The following PLEKHA8 variants were observed in gnomAD, a reference collection of about 807,000 sequenced individuals.
PLEKHA8 encodes the protein pleckstrin homology domain containing A8.
PLEKHA8 carries 36 observed loss-of-function variants against 68.2 expected under a neutral mutation model. The observed-to-expected ratio is 0.53, with a 90% CI of 0.40 to 0.70. The LOEUF (loss-of-function observed/expected upper bound fraction) is 0.70, where lower values mean the gene tolerates loss of function less well. Among genes scored for constraint, PLEKHA8 ranks in the 30% least tolerant of loss-of-function variants. PLEKHA8 has a pLI of 0.00. For missense variants in PLEKHA8, 505 were observed against 615.4 expected (o/e 0.82, Z 1.90); for synonymous variants, 211 against 216.1 (o/e 0.98, Z 0.20).
chr7:30,068,847 G>A (rs1309498271), intron 12 of PLEKHA8, among the ~76,000 whole-genome samples: 2 of 152,032 alleles, frequency 1.3e-5, no homozygotes, highest in Non-Finnish European at 2.9e-5. Flanking sequence ...AAGTTTTGTA[G>A]GTTTGCTTTC....
intron 3 of PLEKHA8, among the ~76,000 whole-genome samples, chr7:30,047,045 G>T (rs1410741051): frequency 6.6e-6 from 1 of 152,182 alleles, no homozygotes; most frequent in Non-Finnish European, 1.5e-5. Flanking sequence ...AGATGAGCTA[G>T]GGTGGGGTGA....
At chr7:30,061,581 A>G (rs1316699045) in intron 10 of PLEKHA8, among the ~76,000 whole-genome samples, 3 of 152,230 alleles carry the variant, frequency 2.0e-5, no homozygotes, top group Admixed American at 6.5e-5. Context: ...AAGTAGTCTC[A>G]TTAGAACAAA....
At position 30,084,480 on chromosome 7, in the gene PLEKHA8, C is replaced by T. The variant is rs1056351609; in HGVS notation, c.*5693C>T. 6 of 985,000 alleles carry T rather than the reference C, an allele frequency of 6.1e-6. No homozygotes were observed. The African/African-American group carries it at 8.7e-5, about 14-fold the overall frequency. 61.0% of individuals were successfully genotyped at this position (985,000 alleles called of 1,614,324 possible). On this transcript the variant is annotated 3_prime_UTR_variant, in exon 14 of 14. Coordinates refer to ENST00000449726, the MANE Select transcript of PLEKHA8 (RefSeq NM_001197026.2). ...TATGTTGGAGCCTCTTGGGACCAAC[C>T]GATGAGCGACAGTTTCATGTTTAGA...
chr7:30,072,168 A>G (rs1330851845), intron 12 of PLEKHA8: 1 of 152,184 alleles, frequency 6.6e-6, no homozygotes, highest in South Asian at 2.1e-4. Context: ...AGGCTCTAAG[A>G]GTCTTCTTCA....
At chr7:30,110,483 T>C (rs1032185830) in intron 13 of PLEKHA8, among the ~76,000 whole-genome samples, 1 of 152,246 alleles carries the variant, frequency 6.6e-6, no homozygotes, top group African/African-American at 2.4e-5. Flanking sequence ...AGAATATTTG[T>C]GTACCAGTCA....
intron 13 of PLEKHA8, among the ~76,000 whole-genome samples, chr7:30,107,809 C>G (rs1422422145): frequency 1.3e-5 from 2 of 152,004 alleles, no homozygotes; most frequent in African/African-American, 4.8e-5. Context: ...TGGCTCATGC[C>G]TGTAATCCCA....
intron 9 of PLEKHA8, 105 bp downstream of exon 9, chr7:30,055,447 C>T (rs1792769605): frequency 1.0e-6 from 1 of 984,230 alleles, no homozygotes; most frequent in Non-Finnish European, 1.6e-6. Context: ...GTGAGATGAC[C>T]CTTGGCTATT....
At position 30,080,409 on chromosome 7, in the gene PLEKHA8, C is replaced by T. The variant is rs757393562; in HGVS notation, c.*1622C>T. On this transcript the variant is annotated 3_prime_UTR_variant, in exon 14 of 14. Transcript: ENST00000449726. ...GAGGTAGTTATCCAGGGTAGAAGGT[C>T]CTTTGAGGGGCTTGGTTGAATTGAG... 13 of 985,096 alleles carry T rather than the reference C, an allele frequency of 1.3e-5. No individual in the cohort carries two copies. The highest frequency in any genetic ancestry group is 1.6e-5 in the Non-Finnish European group (13 of 829,862). The allele number at this position is 985,096 out of a possible 1,614,324, so 61.0% of individuals were successfully genotyped here. A position where few individuals can be genotyped will look rare whatever the true frequency, so the allele number is the denominator to read the frequency against.
At chr7:30,044,032 A>ATT (rs199681554) in intron 1 of PLEKHA8, among the ~76,000 whole-genome samples, 7,193 of 135,024 alleles carry the variant, frequency 0.053, 284 homozygotes, top group Non-Finnish European at 0.078. Flanking sequence ...GTCAGGGATG[A>ATT]TTTTTTTTTT....
Position 30,080,071 on chromosome 7 carries a change from T to C in PLEKHA8, c.*1284T>C. ...CCATGACTCTGAATCTGCTTACCAA[T>C]CAATCTCGGTTTAATCACCAAAAGT... On this transcript the variant is annotated 3_prime_UTR_variant, in exon 14 of 14. Coordinates refer to ENST00000449726, the MANE Select transcript of PLEKHA8 (RefSeq NM_001197026.2). 7.1e-6 allele frequency: 7 copies of C among 985,330 alleles called. No homozygotes were observed. The highest frequency in any genetic ancestry group is 8.4e-6 in the Non-Finnish European group (7 of 829,908). The allele number at this position is 985,330 out of a possible 1,614,324, so 61.0% of individuals were successfully genotyped here.
At chr7:30,129,243 T>C (rs764386466) in intron 13 of PLEKHA8, 12 of 1,612,884 alleles carry the variant, frequency 7.4e-6, no homozygotes, top group Non-Finnish European at 1.0e-5. Flanking sequence ...TCCTCTGTCC[T>C]TCCCTCTTTT....
chr7:30,056,325 TA>T (rs1792897225), intron 9 of PLEKHA8, among the ~76,000 whole-genome samples: 2 of 136,924 alleles, frequency 1.5e-5, no homozygotes, highest in East Asian at 2.1e-4. Context: ...TATATATATA[TA>T]TATATAAATA....
Position 30,039,817 on chromosome 7 carries a change from T to G in PLEKHA8, c.41-5268T>G, listed in dbSNP as rs148208543. Among the ~76,000 whole-genome samples the G allele has an allele frequency of 2.8e-3, 426 of 152,134 alleles. 3 individuals are homozygous for G. The highest frequency in any genetic ancestry group is 4.6e-3 in the Non-Finnish European group (315 of 68,010). On this transcript the variant is annotated intron_variant, in intron 1 of 13. Coordinates refer to ENST00000449726, the MANE Select transcript of PLEKHA8 (RefSeq NM_001197026.2). Reference sequence around the variant, plus strand: ...CCAATCTAGATGTCTTTTATTTCACTTATTGACTAAGAGCTAGGTTTGCTT... The same window carrying G: ...CCAATCTAGATGTCTTTTATTTCACGTATTGACTAAGAGCTAGGTTTGCTT...
chr7:30,040,047 T>C (rs531031293), intron 1 of PLEKHA8, among the ~76,000 whole-genome samples: 18 of 152,356 alleles, frequency 1.2e-4, no homozygotes, highest in African/African-American at 4.3e-4. Context: ...AGAAGTTCTC[T>C]TCTAAGTTTG....
chr7:30,059,904 C>G (rs553238270), intron 9 of PLEKHA8, among the ~76,000 whole-genome samples: 26 of 152,346 alleles, frequency 1.7e-4, no homozygotes, highest in African/African-American at 6.0e-4. Context: ...AATCATTGGG[C>G]CGGGCATGGT....
chr7:30,109,544 C>G (rs138820968), intron 13 of PLEKHA8, among the ~76,000 whole-genome samples: 2 of 129,350 alleles, frequency 1.5e-5, no homozygotes, highest in Non-Finnish European at 3.1e-5. Flanking sequence ...GCCAAGATCG[C>G]GCCATTGCAC....
chr7:30,127,568 A>C (rs971377966), intron 13 of PLEKHA8, among the ~76,000 whole-genome samples: 8 of 152,184 alleles, frequency 5.3e-5, no homozygotes, highest in Non-Finnish European at 8.8e-5. Flanking sequence ...GCTAGGGAAA[A>C]ATTGTGAAAG....
In PLEKHA8 at chr7:30,080,861, G is replaced by T. The variant is rs1794896096; in HGVS notation, c.*2074G>T. 1.0e-6 allele frequency: 1 copy of T among 985,188 alleles called. No homozygotes were observed. The allele number at this position is 985,188 out of a possible 1,614,324, so 61.0% of individuals were successfully genotyped here. ...ACGGAAAAAGAAAAAGCCAGTTTTT[G>T]CTTGTACTTTGAATGAAGATGTTTT... is the stretch of plus-strand genomic sequence containing the variant. On this transcript the variant is annotated 3_prime_UTR_variant, in exon 14 of 14. Coordinates refer to ENST00000449726, the MANE Select transcript of PLEKHA8 (RefSeq NM_001197026.2).
At chr7:30,104,360 A>G (rs566648288) in intron 13 of PLEKHA8, among the ~76,000 whole-genome samples, 6 of 152,296 alleles carry the variant, frequency 3.9e-5, no homozygotes, top group East Asian at 3.9e-4. Context: ...AATAGCCCCA[A>G]TGACCCATCT....
Sources: allele counts gnomAD v4.1 joint callset (sites outside exome capture counted in the v4.1 genomes callset), GRCh38; gene constraint gnomAD v4.1.1; transcripts MANE v1.5; gene names NCBI Gene and HGNC (gene_info 2026-07-23, HGNC 2026-07-21).